CLCN7: variants seen among roughly 807,000 people sequenced by gnomAD.
CLCN7 encodes the protein Cl-/H+ antiporter 7.
A neutral mutation model predicts 102.1 loss-of-function variants in CLCN7; 60 were observed. That is an observed-to-expected ratio of 0.59 (90% CI 0.48 to 0.73). The LOEUF (loss-of-function observed/expected upper bound fraction) is 0.73, where lower values mean the gene tolerates loss of function less well. CLCN7 is among the 30% of genes least tolerant of loss of function. The pLI is 0.00. For synonymous variants in CLCN7, 560 were observed against 490.5 expected (o/e 1.14, Z -1.87); for missense variants, 962 against 1,125.7 (o/e 0.85, Z 2.08).
chr16:1,454,148 T>C lies in CLCN7; in HGVS notation c.1154-254A>G, dbSNP rs11645645. ...CAATAAATACTGGTGGGAGCAATTC[T>C]ATCTCTTACAGGAAATCCCATCCAT... On this transcript the variant is annotated intron_variant, in intron 13 of 24. Transcript: ENST00000382745. Among the ~76,000 whole-genome samples the C allele has an allele frequency of 0.39, 58,669 of 152,268 alleles. 12,362 individuals are homozygous for C. The highest frequency in any genetic ancestry group is 0.49 in the Middle Eastern group (144 of 294).
chr16:1,460,454 G>C lies in CLCN7; in HGVS notation c.558C>G (p.Phe186Leu), dbSNP rs147280414. ...LLLWATLNAA[F>L]VLVGSVIVAF... is the part of the protein sequence containing the mutation. ...CCACAATCACAGAGCCCACGAGCAC[G>C]AAGGCGGCGTTCAGCGTGGCCCACA... The change falls in exon 6 of 25, where the codon TTC (phenylalanine) becomes TTG (leucine). Residue 186 changes from phenylalanine (F) to leucine (L), a missense_variant. Around this residue, in one of 2 missense-constraint regions of CLCN7, gnomAD observed 799 missense variants for 988.0 expected, o/e 0.81. Coordinates refer to ENST00000382745, the MANE Select transcript of CLCN7 (RefSeq NM_001287.6). 6.2e-7 allele frequency: 1 copy of C among 1,613,798 alleles called. No individual in the cohort carries two copies. Among genetic ancestry groups the C allele is most frequent in the South Asian group, 1.1e-5 (1 of 91,080 alleles).
At chr16:1,455,990 T>C (rs2038829297) in intron 10 of CLCN7, 123 bp downstream of exon 10, 1 of 1,025,124 alleles carries the variant, frequency 9.8e-7, no homozygotes, top group Admixed American at 2.1e-5. Flanking sequence ...CGCTTCCAAA[T>C]GCCCCGGCCG....
rs753146024 is a variant in CLCN7, at chr16:1,457,371, G to C, written c.739-34C>G. On this transcript the variant is annotated intron_variant, in intron 8 of 24. Coordinates refer to ENST00000382745, the MANE Select transcript of CLCN7 (RefSeq NM_001287.6). This position sits in a 1 kb window ranked among gnomAD's most constrained non-coding sequence, Gnocchi z 5.4. ...CAGAAGGACCGGTGCTCAGAGACAC[G>C]CGTGACGCGGCCCTTCCTGGAGACC... 1 of 1,575,404 alleles carries C rather than the reference G, an allele frequency of 6.3e-7. No homozygotes were observed.
intron 2 of CLCN7, among the ~76,000 whole-genome samples, chr16:1,462,078 C>G (rs890566646): frequency 1.6e-5 from 2 of 122,802 alleles, no homozygotes; most frequent in African/African-American, 6.1e-5. Flanking sequence ...GAGCAAGACT[C>G]CGTCTCAAAG....
At chr16:1,456,365 C>T (rs1025810453) in intron 9 of CLCN7, among the ~76,000 whole-genome samples, 159 bp from the exon 10 acceptor site, 14 of 152,144 alleles carry the variant, frequency 9.2e-5, no homozygotes, top group Non-Finnish European at 1.8e-4. Flanking sequence ...CTGCAGACCA[C>T]GGCAAGAGAC....
In CLCN7 at chr16:1,446,446, C is replaced by G. The variant is rs1016290282; in HGVS notation, c.*185G>C. 1 of 707,576 alleles carries G rather than the reference C, an allele frequency of 1.4e-6. No individual in the cohort carries two copies. Among genetic ancestry groups the G allele is most frequent in the Non-Finnish European group, 2.6e-6 (1 of 389,592 alleles). The allele number at this position is 707,576 out of a possible 1,614,324, so 43.8% of individuals were successfully genotyped here. A position where few individuals can be genotyped will look rare whatever the true frequency, so the allele number is the denominator to read the frequency against. On this transcript the variant is annotated 3_prime_UTR_variant, in exon 25 of 25. Transcript: ENST00000382745. ...AGGCGCCAAGGGGGGAGACCACTGC[C>G]CACAACAGGGTCAGTCCCGCGAGAG...
In CLCN7 at chr16:1,455,686, G is replaced by A. The variant is rs778426912; in HGVS notation, c.981+45C>T. ...GGACCCCATGGTGGGAAATGAGAGC[G>A]CAGCATGCACCCTGATCAGGAGGCA... On this transcript the variant is annotated intron_variant, in intron 11 of 24. Coordinates refer to ENST00000382745, the MANE Select transcript of CLCN7 (RefSeq NM_001287.6). 2.0e-5 allele frequency: 32 copies of A among 1,594,682 alleles called. No homozygotes were observed. In the Admixed American group the frequency reaches 2.8e-4, roughly 14 times the overall value.
chr16:1,464,536 C>T (rs968051341), intron 2 of CLCN7, among the ~76,000 whole-genome samples: 2 of 152,268 alleles, frequency 1.3e-5, no homozygotes, highest in African/African-American at 2.4e-5. Flanking sequence ...CATCTGAGCA[C>T]GGCGCCGGCC....
rs780352315 is a variant in CLCN7 at position 1,451,588 on chromosome 16, C to G, written c.1447+35G>C. ...CAGAAGGCATCACCCAGGCCCTGAT[C>G]CCAGGGCCTGCCCAGCGGCACTGCC... On this transcript the variant is annotated intron_variant, in intron 16 of 24. Transcript: ENST00000382745. 3.2e-6 allele frequency: 5 copies of G among 1,568,766 alleles called. No individual in the cohort carries two copies. The Admixed American group carries it at 6.7e-5, about 21-fold the overall frequency.
At position 1,461,043 on chromosome 16, in the gene CLCN7, T is replaced by A. The variant is rs1248162202; in HGVS notation, c.352-95A>T. ...CCCAGACCGCCTGCAGGCCCCGGGA[T>A]TATGAAGGGCCCAGTGTGCACGGTG... is the stretch of plus-strand genomic sequence containing the variant. On this transcript the variant is annotated intron_variant, in intron 4 of 24. Coordinates refer to ENST00000382745, the MANE Select transcript of CLCN7 (RefSeq NM_001287.6). 3 of 1,484,302 alleles carry A rather than the reference T, an allele frequency of 2.0e-6. No individual in the cohort carries two copies. In the African/African-American group the frequency reaches 4.2e-5, roughly 21 times the overall value. The allele number at this position is 1,484,302 out of a possible 1,614,324, so 91.9% of individuals were successfully genotyped here.
intron 9 of CLCN7, 83 bp from the exon 10 acceptor site, chr16:1,456,289 G>A: frequency 9.9e-7 from 1 of 1,014,438 alleles, no homozygotes; most frequent in Non-Finnish European, 1.5e-6. Context: ...CAGGACAGGG[G>A]CTGTGCAGGG....
chr16:1,461,197 C>T (rs192059762), intron 4 of CLCN7, among the ~76,000 whole-genome samples: 14 of 152,394 alleles, frequency 9.2e-5, no homozygotes, highest in African/African-American at 3.1e-4. Context: ...GGCACCGCAT[C>T]TGGCGGCCGT....
intron 5 of CLCN7, 144 bp downstream of exon 5, chr16:1,460,672 G>T: frequency 1.5e-6 from 2 of 1,366,628 alleles, no homozygotes; most frequent in Non-Finnish European, 2.0e-6. Context: ...GACGTCTCAC[G>T]GCCCAACCAT....
intron 1 of CLCN7, chr16:1,474,181 G>C: frequency 2.2e-6 from 1 of 456,114 alleles, no homozygotes; most frequent in Non-Finnish European, 4.4e-6. Flanking sequence ...CACGCTGCAG[G>C]GTGACATGCG....
chr16:1,466,248 C>T (rs1371202664), intron 1 of CLCN7, among the ~76,000 whole-genome samples: 1 of 152,254 alleles, frequency 6.6e-6, no homozygotes, highest in Non-Finnish European at 1.5e-5. Flanking sequence ...GAGGCTGCCG[C>T]CCGCCTTCCC....
At chr16:1,463,316 G>A (rs1475875542) in intron 2 of CLCN7, among the ~76,000 whole-genome samples, 2 of 152,164 alleles carry the variant, frequency 1.3e-5, no homozygotes, top group East Asian at 1.9e-4. Context: ...AGCAACACAA[G>A]AAAAAACAGA....
intron 3 of CLCN7, 55 bp from the exon 4 acceptor site, chr16:1,461,525 C>T (rs1029536877): frequency 1.3e-4 from 211 of 1,604,394 alleles, no homozygotes; most frequent in Admixed American, 1.9e-4. Flanking sequence ...GCTCTGGGTG[C>T]GGGCACAGGG....
At chr16:1,469,681 G>A (rs984568647) in intron 1 of CLCN7, among the ~76,000 whole-genome samples, 1 of 152,096 alleles carries the variant, frequency 6.6e-6, no homozygotes. Flanking sequence ...GGGAGACTCC[G>A]TCAAAAACAA....
At chr16:1,471,166 C>T (rs1321258190) in intron 1 of CLCN7, among the ~76,000 whole-genome samples, 4 of 152,158 alleles carry the variant, frequency 2.6e-5, no homozygotes, top group Admixed American at 6.5e-5. Context: ...GGGCTTTCAG[C>T]GGGCACCCAG....
Sources: allele counts gnomAD v4.1 joint callset (sites outside exome capture counted in the v4.1 genomes callset), GRCh38; gene constraint gnomAD v4.1.1; regional missense constraint gnomAD v4.1.1; non-coding constraint Gnocchi (gnomAD v3.1); transcripts MANE v1.5; gene names NCBI Gene and HGNC (gene_info 2026-07-23, HGNC 2026-07-21).